The following DSCAML1 variants were observed in gnomAD, a reference collection of about 807,000 sequenced individuals.
DSCAML1 encodes DS cell adhesion molecule like 1.
In DSCAML1, 38 loss-of-function variants were observed where a neutral mutation model predicts 200.5. The ratio of observed to expected loss-of-function variants is 0.19; its 90% CI spans 0.15 to 0.25. The LOEUF is 0.25. Among genes scored for constraint, DSCAML1 ranks in the 10% least tolerant of loss-of-function variants. The pLI is 1.00. For synonymous variants in DSCAML1, 1,215 were observed against 1,165.0 expected (o/e 1.04, Z -0.87); for missense variants, 2,223 against 2,858.8 (o/e 0.78, Z 5.07).
intron 8 of DSCAML1, among the ~76,000 whole-genome samples, chr11:117,514,204 C>T (rs2049708122): frequency 6.6e-6 from 1 of 152,230 alleles, no homozygotes; most frequent in Non-Finnish European, 1.5e-5. Flanking sequence ...GGGCCTCCTG[C>T]TAGCTCTCCT....
chr11:117,607,174 T>A (rs909922399), intron 3 of DSCAML1, among the ~76,000 whole-genome samples: 1 of 152,154 alleles, frequency 6.6e-6, no homozygotes, highest in Non-Finnish European at 1.5e-5. Flanking sequence ...ACCCCAGCGG[T>A]GGTAAGTCCC....
chr11:117,532,371 C>G lies in DSCAML1; in HGVS notation c.658+5G>C. ...GCCCCGTTCTCCCCAGGCCCTCTCC[C>G]CTACCTGTCACAGAGAGGCGTGCCC... On this transcript the variant is annotated splice_donor_5th_base_variant and intron_variant, in intron 4 of 32. Coordinates refer to ENST00000651296, the MANE Select transcript of DSCAML1 (RefSeq NM_020693.4). 1 of 1,613,180 alleles carries G rather than the reference C, an allele frequency of 6.2e-7. No individual in the cohort carries two copies. The highest frequency in any genetic ancestry group is 8.5e-7 in the Non-Finnish European group (1 of 1,179,498).
At chr11:117,692,956 C>T (rs1249939939) in intron 3 of DSCAML1, among the ~76,000 whole-genome samples, 1 of 152,186 alleles carries the variant, frequency 6.6e-6, no homozygotes, top group Non-Finnish European at 1.5e-5. Context: ...CATTTCCAGA[C>T]CCCTCGCCAT....
intron 11 of DSCAML1, among the ~76,000 whole-genome samples, chr11:117,490,969 CTT>C (rs2049170930): frequency 6.6e-6 from 1 of 152,180 alleles, no homozygotes; most frequent in Non-Finnish European, 1.5e-5. Context: ...CCTTCCCTGT[CTT>C]TGTCTCCTGG....
intron 3 of DSCAML1, among the ~76,000 whole-genome samples, chr11:117,648,213 T>C (rs924373225): frequency 4.6e-5 from 7 of 152,224 alleles, no homozygotes; most frequent in Non-Finnish European, 1.0e-4. Flanking sequence ...GACCTGGTTT[T>C]TCTGCCCAGC....
chr11:117,463,016 C>T lies in DSCAML1; in HGVS notation c.3266-1420G>A, dbSNP rs548745807. Among the ~76,000 whole-genome samples, 24 of 152,322 alleles carry T rather than the reference C, an allele frequency of 1.6e-4. No homozygotes were observed. The highest frequency in any genetic ancestry group is 2.6e-4 in the Non-Finnish European group (18 of 68,030). ...GGCCAGAGGTGGGCCTGGCGTGGCCCGGGTGGTGCATGGGAGCTTAGCGTT... is the reference window on the plus strand; with the variant it reads ...GGCCAGAGGTGGGCCTGGCGTGGCCTGGGTGGTGCATGGGAGCTTAGCGTT... On this transcript the variant is annotated intron_variant, in intron 17 of 32. Coordinates refer to ENST00000651296, the MANE Select transcript of DSCAML1 (RefSeq NM_020693.4). The surrounding 1 kb of genome is among the most constrained non-coding windows in gnomAD (Gnocchi z 4.0).
At chr11:117,442,310 T>C (rs909500218) in intron 21 of DSCAML1, among the ~76,000 whole-genome samples, 3 of 151,028 alleles carry the variant, frequency 2.0e-5, no homozygotes, top group Non-Finnish European at 4.4e-5. Flanking sequence ...TGTGCATATG[T>C]GTATGCATGT....
At position 117,532,861 on chromosome 11, in the gene DSCAML1, G is replaced by A. The variant is rs113020990; in HGVS notation, c.512-339C>T. On this transcript the variant is annotated intron_variant, in intron 3 of 32. Transcript: ENST00000651296. ...AAAATGGGGCCAGGTGTGGTGGCTC[G>A]CACCTGTAATCCCAATGCTTTGGGA... Among the ~76,000 whole-genome samples, 797 of 152,042 alleles carry A rather than the reference G, an allele frequency of 5.2e-3. 6 individuals carry two copies. The highest frequency in any genetic ancestry group is 0.018 in the African/African-American group (764 of 41,460).
chr11:117,715,578 C>T (rs192259780), intron 3 of DSCAML1, among the ~76,000 whole-genome samples: 21 of 152,310 alleles, frequency 1.4e-4, no homozygotes, highest in African/African-American at 4.8e-4. Context: ...TCTGGTGATG[C>T]CGATTTTGTC....
intron 3 of DSCAML1, among the ~76,000 whole-genome samples, chr11:117,725,127 C>T (rs963835987): frequency 3.3e-5 from 5 of 152,204 alleles, no homozygotes; most frequent in African/African-American, 1.2e-4. Flanking sequence ...GCCTCCCCAC[C>T]AATCCTGACT....
intron 3 of DSCAML1, among the ~76,000 whole-genome samples, chr11:117,541,283 C>T (rs1397858822): frequency 6.6e-6 from 1 of 152,224 alleles, no homozygotes; most frequent in Non-Finnish European, 1.5e-5. Flanking sequence ...TCGTCCCTGC[C>T]CAACTCTTTA....
At chr11:117,436,991 G>A in intron 26 of DSCAML1, 131 bp downstream of exon 26, 1 of 1,303,008 alleles carries the variant, frequency 7.7e-7, no homozygotes, top group Non-Finnish European at 1.0e-6. Flanking sequence ...CTGCAGGCCA[G>A]CATTTCCCCC....
intron 1 of DSCAML1, among the ~76,000 whole-genome samples, chr11:117,794,663 G>A (rs1472104603): frequency 6.6e-6 from 1 of 151,898 alleles, no homozygotes; most frequent in Non-Finnish European, 1.5e-5. Context: ...CCTTGGTGCC[G>A]CGGGGGTGAC....
chr11:117,500,551 T>C lies in DSCAML1; in HGVS notation c.2359+3294A>G, dbSNP rs1289305186. Among the ~76,000 whole-genome samples the C allele has an allele frequency of 8.9e-5, 7 of 78,276 alleles. No individual in the cohort carries two copies. In the East Asian group the frequency reaches 1.1e-3, roughly 12 times the overall value. The allele number at this position is 78,276 out of a possible 152,430, so 51.4% of individuals were successfully genotyped here. On this transcript the variant is annotated intron_variant, in intron 11 of 32. Transcript: ENST00000651296. ...AATTCCAAACTTACCGGGGAGGACA[T>C]TGGGGTGACAGAGATTGTTGTCCTG...
At chr11:117,593,070 C>T (rs557836640) in intron 3 of DSCAML1, among the ~76,000 whole-genome samples, 96 of 152,378 alleles carry the variant, frequency 6.3e-4, no homozygotes, top group African/African-American at 2.1e-3. Flanking sequence ...CTGGCACTTA[C>T]GGGGCACTAA....
intron 3 of DSCAML1, among the ~76,000 whole-genome samples, chr11:117,765,563 G>C (rs116974526): frequency 6.6e-6 from 1 of 152,160 alleles, no homozygotes; most frequent in African/African-American, 2.4e-5. Flanking sequence ...CTCCCAGGCC[G>C]CACAGCAAAG....
chr11:117,556,525 A>AATCTTTTCCAG (rs2050562053), intron 3 of DSCAML1, among the ~76,000 whole-genome samples: 2 of 68,824 alleles, frequency 2.9e-5, no homozygotes, highest in African/African-American at 4.9e-5. Context: ...TTTCCAGTTA[A>AATCTTTTCCAG]TTTCTCTCAC....
chr11:117,615,623 G>C (rs1359337758), intron 3 of DSCAML1, among the ~76,000 whole-genome samples: 1 of 152,100 alleles, frequency 6.6e-6, no homozygotes, highest in Non-Finnish European at 1.5e-5. Flanking sequence ...CTCATTCCCA[G>C]TGAAACAACA....
chr11:117,471,940 C>T lies in DSCAML1; in HGVS notation c.2882G>A (p.Arg961His), dbSNP rs755981103. 6.8e-6 allele frequency: 11 copies of T among 1,613,974 alleles called. No homozygotes were observed. The highest frequency in any genetic ancestry group is 3.3e-5 in the Admixed American group (2 of 59,992). The change falls in exon 15 of 33, where the codon CGC becomes CAC. Residue 961 changes from arginine (R) to histidine (H), a missense_variant. Transcript: ENST00000651296. ...GCCAATCTTGTTGAAAGAGTACATG[C>T]GGATGCTGTACACAGATGCCGGGTG... ...DLHPASVYSI[R>H]MYSFNKIGRS...
Sources: gnomAD v4.1 joint callset for allele counts (sites outside exome capture counted in the v4.1 genomes callset) on GRCh38, gnomAD v4.1.1 for gene constraint, Gnocchi (gnomAD v3.1) non-coding constraint, MANE v1.5 for transcripts, NCBI Gene and HGNC (gene_info 2026-07-23, HGNC 2026-07-21) for gene names.